METTL15: variants seen among roughly 807,000 people sequenced by gnomAD.
The protein encoded by METTL15 is methyltransferase 15, mitochondrial 12S rRNA N4-cytidine, also known as 12S rRNA N(4)-cytidine methyltransferase METTL15.
In METTL15, 34 loss-of-function variants were observed where a neutral mutation model predicts 38.3. The observed-to-expected ratio is 0.89, with a 90% CI of 0.68 to 1.18. METTL15 has a LOEUF of 1.18. Among genes scored for constraint, METTL15 ranks in the 50% most tolerant of loss-of-function variants. The pLI, the probability that METTL15 is intolerant of heterozygous loss-of-function variation, is 0.00. For synonymous variants in METTL15, 162 were observed against 170.9 expected, an observed-to-expected ratio of 0.95 and a Z score of 0.41; for missense variants, 438 against 498.4, an observed-to-expected ratio of 0.88 and a Z score of 1.15.
rs977843046 is a variant in METTL15, at chr11:28,375,847, A to C, written c.*358+13811A>C. ...CTACACACTGCTTTGAATGCGTCCC[A>C]GAGATTCTGGTATGTTGTGTCTTTG... On this transcript the variant is annotated intron_variant and NMD_transcript_variant, in intron 5 of 7. Transcript: ENST00000532947. Among the ~76,000 whole-genome samples, 416 of 151,618 alleles carry C rather than the reference A, an allele frequency of 2.7e-3. 3 individuals carry two copies. The highest frequency in any genetic ancestry group is 4.5e-3 in the Non-Finnish European group (303 of 67,874).
intron 3 of METTL15, among the ~76,000 whole-genome samples, chr11:28,171,971 A>T (rs1185658204): frequency 2.0e-5 from 3 of 149,658 alleles, no homozygotes; most frequent in South Asian, 2.1e-4. Flanking sequence ...GTCTTGAAAA[A>T]TTTTTTTTTT....
intron 5 of METTL15, among the ~76,000 whole-genome samples, chr11:28,391,589 A>G (rs1339798253): frequency 3.3e-5 from 5 of 152,244 alleles, no homozygotes; most frequent in Admixed American, 1.3e-4. Flanking sequence ...AGTAACCAAA[A>G]CAGCATGGTA....
intron 5 of METTL15, among the ~76,000 whole-genome samples, chr11:28,363,746 A>G (rs566844606): frequency 6.6e-6 from 1 of 152,276 alleles, no homozygotes; most frequent in South Asian, 2.1e-4. Context: ...GGTCTTAGAC[A>G]TATCTTTGCC....
downstream of METTL15, among the ~76,000 whole-genome samples, chr11:28,337,546 C>T (rs1049101967): frequency 6.6e-6 from 1 of 151,998 alleles, no homozygotes; most frequent in South Asian, 2.1e-4. Flanking sequence ...TTTAGTGTAA[C>T]CTAAGTATAC....
intron 6 of METTL15, among the ~76,000 whole-genome samples, chr11:28,498,995 C>A (rs1233620278): frequency 6.6e-6 from 1 of 152,190 alleles, no homozygotes; most frequent in Non-Finnish European, 1.5e-5. Flanking sequence ...ATTAATACAT[C>A]TTAACTCTGC....
At chr11:28,465,003 T>A (rs952093426) in intron 6 of METTL15, among the ~76,000 whole-genome samples, 2 of 152,164 alleles carry the variant, frequency 1.3e-5, no homozygotes, top group African/African-American at 4.8e-5. Context: ...CTCACTCTAT[T>A]TCCTTTTCTG....
chr11:28,132,016 T>G (rs1849354674), intron 3 of METTL15, among the ~76,000 whole-genome samples: 1 of 152,202 alleles, frequency 6.6e-6, no homozygotes, highest in Non-Finnish European at 1.5e-5. Context: ...ATGAGGTTTT[T>G]AGCTTCATTT....
chr11:28,384,501 G>T (rs1430526162), intron 5 of METTL15, among the ~76,000 whole-genome samples: 2 of 151,894 alleles, frequency 1.3e-5, no homozygotes, highest in Non-Finnish European at 2.9e-5. Flanking sequence ...GTAGAGATGT[G>T]GTTTCACCAT....
chr11:28,405,289 G>A (rs1342394975), intron 5 of METTL15, among the ~76,000 whole-genome samples: 2 of 152,138 alleles, frequency 1.3e-5, no homozygotes, highest in Non-Finnish European at 2.9e-5. Flanking sequence ...CAGGAATATA[G>A]ATCAATCAGT....
chr11:28,173,521 G>T (rs1328906102), intron 3 of METTL15, among the ~76,000 whole-genome samples: 2 of 152,106 alleles, frequency 1.3e-5, no homozygotes, highest in African/African-American at 4.8e-5. Flanking sequence ...GTTTGTTATA[G>T]CAACCCAAGA....
intron 4 of METTL15, among the ~76,000 whole-genome samples, chr11:28,238,393 C>G (rs1260817053): frequency 6.6e-6 from 1 of 152,200 alleles, no homozygotes; most frequent in Non-Finnish European, 1.5e-5. Flanking sequence ...ACTCCGTGGG[C>G]TTAGGACCCT....
At chr11:28,277,688 T>TA (rs1208524524) in intron 4 of METTL15, among the ~76,000 whole-genome samples, 6 of 151,664 alleles carry the variant, frequency 4.0e-5, no homozygotes, top group African/African-American at 1.2e-4. Context: ...AGACTCGGTT[T>TA]AAAAAAACAA....
At chr11:28,444,563 A>C (rs968454698) in intron 6 of METTL15, among the ~76,000 whole-genome samples, 1 of 152,162 alleles carries the variant, frequency 6.6e-6, no homozygotes, top group Non-Finnish European at 1.5e-5. Context: ...TGGAAACATA[A>C]AGTTTGATTA....
chr11:28,400,827 G>A (rs1368591878), intron 5 of METTL15, among the ~76,000 whole-genome samples: 2 of 151,862 alleles, frequency 1.3e-5, no homozygotes, highest in Non-Finnish European at 2.9e-5. Flanking sequence ...CATCGAAATT[G>A]GAAAAACAAG....
intron 3 of METTL15, among the ~76,000 whole-genome samples, chr11:28,146,928 A>G (rs1849907623): frequency 6.6e-6 from 1 of 151,896 alleles, no homozygotes; most frequent in African/African-American, 2.4e-5. Context: ...TTGAAAGAAA[A>G]TATTTCATTT....
chr11:28,476,801 A>G (rs983188547), intron 6 of METTL15, among the ~76,000 whole-genome samples: 1 of 152,150 alleles, frequency 6.6e-6, no homozygotes, highest in Non-Finnish European at 1.5e-5. Context: ...AAAAAGTTCA[A>G]CCAATGACTC....
intron 6 of METTL15, among the ~76,000 whole-genome samples, chr11:28,325,657 C>T (rs552600712): frequency 6.6e-6 from 1 of 152,232 alleles, no homozygotes; most frequent in Admixed American, 6.5e-5. Flanking sequence ...TGAAGCTTTT[C>T]AAAAGTAGTG....
chr11:28,286,101 C>A (rs1000069978), intron 4 of METTL15, among the ~76,000 whole-genome samples: 5 of 151,916 alleles, frequency 3.3e-5, no homozygotes, highest in African/African-American at 1.2e-4. Context: ...GTTAACTCAC[C>A]TGATTGTGGG....
At chr11:28,281,536 A>T (rs138170494) in intron 4 of METTL15, among the ~76,000 whole-genome samples, 1 of 152,144 alleles carries the variant, frequency 6.6e-6, no homozygotes, top group Non-Finnish European at 1.5e-5. Flanking sequence ...TCAAATGGGT[A>T]ATTATAATTG....
Sources: allele counts gnomAD v4.1 joint callset (sites outside exome capture counted in the v4.1 genomes callset), GRCh38; gene constraint gnomAD v4.1.1; transcripts MANE v1.5; gene names NCBI Gene and HGNC (gene_info 2026-07-23, HGNC 2026-07-21).